Variants in ANKLE2 observed in about 807,000 individuals in gnomAD.
The protein encoded by ANKLE2 is ankyrin repeat and LEM domain containing 2.
A neutral mutation model predicts 84.2 loss-of-function variants in ANKLE2; 55 were observed. The observed-to-expected ratio is 0.65, with a 90% confidence interval of 0.53 to 0.82. The LOEUF is 0.82. Ranked by LOEUF, ANKLE2 falls within the 40% of genes least tolerant of loss-of-function variation. ANKLE2 has a pLI of 0.00. For missense variants in ANKLE2, 1,238 were observed against 1,201.9 expected (o/e 1.03, Z -0.44); for synonymous variants, 551 against 486.1 (o/e 1.13, Z -1.76).
intron 2 of ANKLE2, among the ~76,000 whole-genome samples, chr12:132,752,789 CAG>C (rs1369665772): frequency 4.6e-5 from 7 of 152,184 alleles, no homozygotes; most frequent in African/African-American, 1.7e-4. Context: ...ATACTCATAA[CAG>C]TGTGCAATTT....
At position 132,734,400 on chromosome 12, in the gene ANKLE2, T is replaced by C. The variant is rs1451883128; in HGVS notation, c.1876A>G (p.Lys626Glu). ...TGEREASCRD[K>E]ATTSGSNSIS... ...ACATGCTTACCAGACGTGGTGGCTT[T>C]ATCTCGGCAGGAGGCTTCCCGTTCT... Residue 626 changes from lysine (K) to glutamate (E), a missense_variant, in exon 10 of 13, where the codon AAA becomes GAA. Lys to Glu is a moderately conservative substitution (Grantham distance 56). Around this residue, in one of 3 missense-constraint regions of ANKLE2, gnomAD observed 802 missense variants for 774.5 expected, o/e 1.04. Transcript: ENST00000357997. The C allele has an allele frequency of 6.2e-7, 1 of 1,613,970 alleles. No homozygotes were observed. Among genetic ancestry groups the C allele is most frequent in the Non-Finnish European group, 8.5e-7 (1 of 1,179,996 alleles).
At chr12:132,759,935 A>G (rs2044587959) in intron 1 of ANKLE2, 1 of 152,116 alleles carries the variant, frequency 6.6e-6, no homozygotes, top group African/African-American at 2.4e-5. Flanking sequence ...GGAATTCGAG[A>G]CCATCCTGGC....
intron 9 of ANKLE2, 76 bp from the exon 10 acceptor site, chr12:132,734,651 A>G: frequency 4.9e-6 from 7 of 1,425,068 alleles, no homozygotes; most frequent in Non-Finnish European, 6.6e-6. Context: ...AAAAGCCACT[A>G]AAGCTTCAAG....
Position 132,725,925 on chromosome 12 carries a change from A to G in ANKLE2, c.*1317T>C, listed in dbSNP as rs1053673717. On this transcript the variant is annotated 3_prime_UTR_variant, in exon 13 of 13. Coordinates refer to ENST00000357997, the MANE Select transcript of ANKLE2 (RefSeq NM_015114.3). Reference sequence around the variant, plus strand: ...TTTTAACATTTAAATCTTGATTCCAATATTCCTGACCTATCTCTTGTCATA... The same window carrying G: ...TTTTAACATTTAAATCTTGATTCCAGTATTCCTGACCTATCTCTTGTCATA... 6 of 152,230 alleles carry G rather than the reference A, an allele frequency of 3.9e-5. No homozygotes were observed. The highest frequency in any genetic ancestry group is 1.4e-4 in the African/African-American group (6 of 41,460). The allele number at this position is 152,230 out of a possible 1,614,324, so 9.4% of individuals were successfully genotyped here. A position where few individuals can be genotyped will look rare whatever the true frequency, so the allele number is the denominator to read the frequency against.
chr12:132,744,050 C>T (rs1234706642), intron 5 of ANKLE2, among the ~76,000 whole-genome samples: 1 of 152,200 alleles, frequency 6.6e-6, no homozygotes, highest in African/African-American at 2.4e-5. Context: ...CCGTCCATGA[C>T]GCTGCGTCAC....
In ANKLE2 at chr12:132,754,989, G is replaced by A. The variant is rs773451410; in HGVS notation, c.326C>T (p.Ala109Val). Residue 109 changes from alanine to valine, a missense_variant, in exon 2 of 13, where the codon GCT becomes GTT. Transcript: ENST00000357997. ...RFIFEKKLAQ[A>V]LLEQGGRLSS... ...CAGCCTTCCTCCTTGCTCCAGTAAA[G>A]CCTGAGCCAATTTTTTCTCAAAAAT... is the stretch of plus-strand genomic sequence containing the variant. 5.6e-6 allele frequency: 9 copies of A among 1,614,154 alleles called. No individual in the cohort carries two copies. The highest frequency in any genetic ancestry group is 7.6e-6 in the Non-Finnish European group (9 of 1,180,036).
Position 132,735,506 on chromosome 12 carries a change from C to T in ANKLE2, c.1600G>A (p.Asp534Asn). 1 of 1,612,174 alleles carries T rather than the reference C, an allele frequency of 6.2e-7. No individual in the cohort carries two copies. Residue 534 changes from aspartate to asparagine, a missense_variant, in exon 9 of 13, where the codon GAT (aspartate) becomes AAT (asparagine). Around this residue, in one of 3 missense-constraint regions of ANKLE2, gnomAD observed 802 missense variants for 774.5 expected, o/e 1.04. Coordinates refer to ENST00000357997, the MANE Select transcript of ANKLE2 (RefSeq NM_015114.3). ...AGPLSPAKAE[D>N]FRKLWKTPPR... is the part of the protein sequence containing the mutation. ...GGAGTTTTCCAGAGCTTGCGAAAAT[C>T]TTCTGCCTATGAAGAAAAAAAAATG...
chr12:132,740,954 G>A (rs956319636), intron 7 of ANKLE2, among the ~76,000 whole-genome samples: 1 of 150,138 alleles, frequency 6.7e-6, no homozygotes, highest in African/African-American at 2.4e-5. Flanking sequence ...AATCGAAGGA[G>A]TGACAGGGAG....
intron 3 of ANKLE2, among the ~76,000 whole-genome samples, chr12:132,749,939 T>C (rs1566032096): frequency 6.6e-6 from 1 of 152,072 alleles, no homozygotes; most frequent in Non-Finnish European, 1.5e-5. Context: ...GAGGCTGAGA[T>C]GGGAGGATCA....
Position 132,747,959 on chromosome 12 carries a change from T to C in ANKLE2, c.1103A>G (p.Gln368Arg). 6.3e-7 allele frequency: 1 copy of C among 1,598,656 alleles called. No individual in the cohort carries two copies. Among genetic ancestry groups the C allele is most frequent in the Non-Finnish European group, 8.5e-7 (1 of 1,176,268 alleles). ...AAKENQASIC[Q>R]LTLDVLENPD... is the part of the protein sequence containing the mutation. The stretch of plus-strand genomic sequence containing the variant: ...GTTCTCCAGGACGTCCAGAGTCAGC[T>C]GGCAGATGGAAGCCTGGTTCTCTTT... Residue 368 changes from glutamine to arginine, a missense_variant, in exon 5 of 13, where the codon CAG becomes CGG. This residue lies in a region of ANKLE2 where 802 missense variants were observed against 774.5 expected (regional missense o/e 1.04). Coordinates refer to ENST00000357997, the MANE Select transcript of ANKLE2 (RefSeq NM_015114.3).
chr12:132,744,575 G>A (rs1201468327), intron 5 of ANKLE2, among the ~76,000 whole-genome samples: 1 of 151,964 alleles, frequency 6.6e-6, no homozygotes, highest in Non-Finnish European at 1.5e-5. Flanking sequence ...TCTCTCACAC[G>A]ACCCCAAAAA....
chr12:132,753,169 GCGTACTGGCA>G (rs1653911650), intron 2 of ANKLE2, among the ~76,000 whole-genome samples: 1 of 151,882 alleles, frequency 6.6e-6, no homozygotes, highest in Non-Finnish European at 1.5e-5. Context: ...AAAAACTGGC[GCGTACTGGCA>G]CGTGCCCGTG....
At position 132,741,438 on chromosome 12, in the gene ANKLE2, C is replaced by A. The variant is rs2044120944; in HGVS notation, c.1401G>T (p.Arg467=). The change falls in exon 7 of 13, where the codon CGG becomes CGT. Residue 467 remains arginine (R), a synonymous_variant. Coordinates refer to ENST00000357997, the MANE Select transcript of ANKLE2 (RefSeq NM_015114.3). Reference sequence around the variant, plus strand: ...TCTTACCCTTTAAATACTCTCTGATCCGCTCCTTCAGTTCCACAGATTTAT... The same window carrying A: ...TCTTACCCTTTAAATACTCTCTGATACGCTCCTTCAGTTCCACAGATTTAT... ...SKNKSVELKE[R]IREYLKGHYY... 1 of 1,614,088 alleles carries A rather than the reference C, an allele frequency of 6.2e-7. No homozygotes were observed. The highest frequency in any genetic ancestry group is 1.3e-5 in the African/African-American group (1 of 74,932).
chr12:132,732,993 T>C, intron 10 of ANKLE2, among the ~76,000 whole-genome samples: 1 of 139,936 alleles, frequency 7.1e-6, no homozygotes, highest in Admixed American at 7.0e-5. Context: ...GCGCTCTGCG[T>C]CCTGGTGTCT....
At chr12:132,747,413 C>T (rs1032157507) in intron 5 of ANKLE2, among the ~76,000 whole-genome samples, 28 of 151,970 alleles carry the variant, frequency 1.8e-4, no homozygotes, top group Non-Finnish European at 3.1e-4. Context: ...CACAGCCCTG[C>T]GTGTCAGGCA....
Position 132,754,815 on chromosome 12 carries a change from T to C in ANKLE2, c.500A>G (p.Glu167Gly), listed in dbSNP as rs1289906914. The change falls in exon 2 of 13, where the codon GAG becomes GGG. Residue 167 changes from glutamate to glycine, a missense_variant. Glu to Gly is a moderately conservative substitution (Grantham distance 98, BLOSUM62 -2). This residue lies in a region of ANKLE2 where 422 missense variants were observed against 394.5 expected (regional missense o/e 1.07). Coordinates refer to ENST00000357997, the MANE Select transcript of ANKLE2 (RefSeq NM_015114.3). ...FGYSVGLNPP[E>G]EEAVTSKTCS... ...GGTCTTGGATGTCACAGCTTCCTCC[T>C]CTGGAGGATTCAGGCCCACACTGTA... The C allele has an allele frequency of 6.2e-7, 1 of 1,614,092 alleles. No individual in the cohort carries two copies. Among genetic ancestry groups the C allele is most frequent in the East Asian group, 2.2e-5 (1 of 44,870 alleles).
intron 3 of ANKLE2, 79 bp downstream of exon 3, chr12:132,750,564 C>A: frequency 6.7e-7 from 1 of 1,501,150 alleles, no homozygotes; most frequent in Admixed American, 1.7e-5. Context: ...CAAGTTACCA[C>A]ATCAGAGGAA....
At chr12:132,735,641 G>A in intron 8 of ANKLE2, 129 bp from the exon 9 acceptor site, 1 of 713,462 alleles carries the variant, frequency 1.4e-6, no homozygotes, top group Non-Finnish European at 2.3e-6. Flanking sequence ...CCCTTCACTA[G>A]CAGATCCCTG....
chr12:132,741,381 G>A (rs996925513), intron 7 of ANKLE2, 38 bp downstream of exon 7: 42 of 1,605,118 alleles, frequency 2.6e-5, no homozygotes, highest in East Asian at 6.7e-5. Context: ...CCTTCCCGGC[G>A]TGGACCCCAC....
Sources: gnomAD v4.1 joint callset for allele counts (sites outside exome capture counted in the v4.1 genomes callset) on GRCh38, gnomAD v4.1.1 for gene constraint, gnomAD v4.1.1 regional missense constraint, MANE v1.5 for transcripts, NCBI Gene and HGNC (gene_info 2026-07-23, HGNC 2026-07-21) for gene names.